Variants in SPEN observed in about 807,000 individuals in gnomAD.
SPEN encodes spen family transcriptional repressor, also known as msx2-interacting protein.
SPEN carries 18 observed loss-of-function variants against 269.9 expected under a neutral mutation model. The ratio of observed to expected loss-of-function variants is 0.07; its 90% CI spans 0.05 to 0.10. The LOEUF is 0.10. Among genes scored for constraint, SPEN ranks in the 10% least tolerant of loss-of-function variants. The pLI is 1.00. For missense variants in SPEN, 3,822 were observed against 4,631.2 expected (o/e 0.83, Z 5.07); for synonymous variants, 1,726 against 1,765.7 (o/e 0.98, Z 0.56).
Position 15,929,678 on chromosome 1 carries a change from C to A in SPEN, c.3438C>A (p.Gly1146=). The change falls in exon 11 of 15, where the codon GGC becomes GGA. Residue 1146 remains glycine (G), a synonymous_variant. Transcript: ENST00000375759. This position sits in a 1 kb window ranked among gnomAD's most constrained non-coding sequence, Gnocchi z 5.8. ...LRDETPERKS[G]QEKSHSVNTE... is the part of the protein sequence containing the mutation. ...ATGAAACACCTGAACGTAAATCAGGCCAAGAGAAATCACATTCAGTAAATA... is the reference window on the plus strand; with the variant it reads ...ATGAAACACCTGAACGTAAATCAGGACAAGAGAAATCACATTCAGTAAATA... 1 of 1,614,034 alleles carries A rather than the reference C, an allele frequency of 6.2e-7. No individual in the cohort carries two copies. Among genetic ancestry groups the A allele is most frequent in the Non-Finnish European group, 8.5e-7 (1 of 1,179,972 alleles).
chr1:15,901,928 GTTT>G (rs35730805), intron 3 of SPEN, among the ~76,000 whole-genome samples: 3,631 of 100,474 alleles, frequency 0.036, 80 homozygotes, highest in African/African-American at 0.14. Context: ...TATTTATTTA[GTTT>G]TTTTTTTTTT....
intron 3 of SPEN, among the ~76,000 whole-genome samples, chr1:15,908,582 C>A (rs920108366): frequency 6.6e-6 from 1 of 152,050 alleles, no homozygotes; most frequent in African/African-American, 2.4e-5. Flanking sequence ...GCCACCACAC[C>A]CAGCTAATTT....
Position 15,928,307 on chromosome 1 carries a change from A to G in SPEN, c.2067A>G (p.Glu689=). Residue 689 remains glutamate (E), a synonymous_variant, in exon 11 of 15, where the codon GAA becomes GAG. Coordinates refer to ENST00000375759, the MANE Select transcript of SPEN (RefSeq NM_015001.3). The surrounding 1 kb of genome is among the most constrained non-coding windows in gnomAD (Gnocchi z 5.7). The part of the protein sequence containing the change: ...EYRDYRNDPY[E]QDIREYSYRQ... ...GGGATTACAGGAATGATCCTTATGA[A>G]CAAGATATTAGGGAATATAGTTACA... 6.2e-7 allele frequency: 1 copy of G among 1,614,234 alleles called. No homozygotes were observed. Among genetic ancestry groups the G allele is most frequent in the Non-Finnish European group, 8.5e-7 (1 of 1,180,036 alleles).
chr1:15,855,210 G>A (rs931643237), intron 1 of SPEN, among the ~76,000 whole-genome samples: 2 of 152,162 alleles, frequency 1.3e-5, no homozygotes, highest in Non-Finnish European at 2.9e-5. Context: ...AGGGTTGCAT[G>A]TGCCTGTCTT....
At chr1:15,861,243 C>T (rs556672053) in intron 1 of SPEN, among the ~76,000 whole-genome samples, 20 of 151,504 alleles carry the variant, frequency 1.3e-4, no homozygotes, top group African/African-American at 3.6e-4. Context: ...GCGATTCTCC[C>T]GCCTCAGCCT....
At position 15,934,590 on chromosome 1, in the gene SPEN, C is replaced by A. The variant is rs146051974; in HGVS notation, c.8350C>A (p.Arg2784=). 8.7e-6 allele frequency: 14 copies of A among 1,613,980 alleles called. No individual in the cohort carries two copies. The African/African-American group carries it at 1.1e-4, about 12-fold the overall frequency. The part of the protein sequence containing the change: ...KQRASANENS[R]FHPGSMPVID... ...GAGAGCGAGTGCTAATGAAAACAGT[C>A]GGTTCCACCCAGGGTCCATGCCTGT... The change falls in exon 11 of 15, where the codon CGG becomes AGG. Residue 2784 remains arginine, a synonymous_variant. Transcript: ENST00000375759. This position sits in a 1 kb window ranked among gnomAD's most constrained non-coding sequence, Gnocchi z 9.2.
At chr1:15,858,924 A>G (rs1429456110) in intron 1 of SPEN, among the ~76,000 whole-genome samples, 1 of 152,190 alleles carries the variant, frequency 6.6e-6, no homozygotes, top group Non-Finnish European at 1.5e-5. Flanking sequence ...ACCCTGGGCA[A>G]TAGAGAAAAA....
At chr1:15,924,714 C>T (rs550709215) in intron 10 of SPEN, among the ~76,000 whole-genome samples, 67 of 152,320 alleles carry the variant, frequency 4.4e-4, no homozygotes, top group African/African-American at 1.6e-3. Context: ...CCTGCCTCGG[C>T]CTCCCAAAGT....
chr1:15,868,670 G>A (rs1343987216), intron 1 of SPEN, among the ~76,000 whole-genome samples: 1 of 151,918 alleles, frequency 6.6e-6, no homozygotes, highest in Non-Finnish European at 1.5e-5. Context: ...TCCTGACCTC[G>A]TGATCCGCCT....
intron 4 of SPEN, among the ~76,000 whole-genome samples, chr1:15,909,761 A>G (rs1168298396): frequency 2.6e-5 from 4 of 152,188 alleles, no homozygotes; most frequent in Non-Finnish European, 5.9e-5. Flanking sequence ...CTATTAGTAG[A>G]TAGTCATGCC....
chr1:15,899,120 G>A (rs955802973), intron 3 of SPEN, among the ~76,000 whole-genome samples: 18 of 152,190 alleles, frequency 1.2e-4, no homozygotes, highest in East Asian at 5.8e-4. Flanking sequence ...TTACTTTCCC[G>A]TCAGTAATGC....
At chr1:15,849,880 G>A (rs2070316068) in intron 1 of SPEN, among the ~76,000 whole-genome samples, 1 of 152,138 alleles carries the variant, frequency 6.6e-6, no homozygotes, top group Non-Finnish European at 1.5e-5. Context: ...GTCTCTGCCT[G>A]GGAAATTCGT....
intron 3 of SPEN, among the ~76,000 whole-genome samples, chr1:15,897,465 C>T (rs994715761): frequency 6.6e-6 from 1 of 151,936 alleles, no homozygotes; most frequent in Admixed American, 6.6e-5. Flanking sequence ...TGGGTTCAAG[C>T]GATTCTCCTG....
rs2070300100 is a variant in SPEN at position 15,848,541 on chromosome 1, A to G, written c.83+391A>G. On this transcript the variant is annotated intron_variant, in intron 1 of 14. Coordinates refer to ENST00000375759, the MANE Select transcript of SPEN (RefSeq NM_015001.3). The surrounding 1 kb of genome is among the most constrained non-coding windows in gnomAD (Gnocchi z 5.1). ...CCCGGCCCGGAGCAGCCGGGACCCG[A>G]GCCCGCCCGACAGCCGGGTCCGGCG... 6.6e-6 allele frequency among the ~76,000 whole-genome samples: 1 copy of G among 151,812 alleles called. No homozygotes were observed. Among genetic ancestry groups the G allele is most frequent in the Non-Finnish European group, 1.5e-5 (1 of 67,928 alleles).
chr1:15,938,067 T>A, intron 13 of SPEN, 61 bp downstream of exon 13: 1 of 1,433,190 alleles, frequency 7.0e-7, no homozygotes. Context: ...ACGTAGGTAG[T>A]CCCTGCCAGC....
At chr1:15,878,130 C>T (rs1216138907) in intron 3 of SPEN, among the ~76,000 whole-genome samples, 1 of 151,922 alleles carries the variant, frequency 6.6e-6, no homozygotes, top group Non-Finnish European at 1.5e-5. Flanking sequence ...TACTTTGATA[C>T]CTAGTATATG....
In SPEN at chr1:15,929,351, A is replaced by C. The variant is rs1570059763; in HGVS notation, c.3111A>C (p.Arg1037Ser). Residue 1037 changes from arginine to serine, a missense_variant, in exon 11 of 15, where the codon AGA becomes AGC. Physicochemically the swap from Arg to Ser is moderately radical, Grantham distance 110. Coordinates refer to ENST00000375759, the MANE Select transcript of SPEN (RefSeq NM_015001.3). This position sits in a 1 kb window ranked among gnomAD's most constrained non-coding sequence, Gnocchi z 5.8. ...VILLREGEAERKPVRKEILKR... is the reference protein window; with the variant it reads ...VILLREGEAESKPVRKEILKR... ...TGCTGAGGGAAGGAGAGGCTGAAAG[A>C]AAGCCTGTGAGGAAAGAAATTCTTA... 1.9e-6 allele frequency: 3 copies of C among 1,613,254 alleles called. No individual in the cohort carries two copies. The highest frequency in any genetic ancestry group is 4.5e-5 in the East Asian group (2 of 44,886).
intron 1 of SPEN, among the ~76,000 whole-genome samples, chr1:15,855,312 T>G (rs188219080): frequency 2.0e-5 from 3 of 152,322 alleles, no homozygotes; most frequent in Admixed American, 6.5e-5. Context: ...GATTGTTATA[T>G]TCCCATTATG....
In SPEN at chr1:15,937,394, C is replaced by G; in HGVS notation, c.10258C>G (p.Gln3420Glu). Reference protein sequence around the residue: ...NRPPEPHTQVQRAQAETGPTS... With the variant: ...NRPPEPHTQVERAQAETGPTS... ...GCCACCTGAGCCTCACACCCAGGTT[C>G]AGAGGGCACAAGCAGAAACAGGCCC... is the stretch of plus-strand genomic sequence containing the variant. Residue 3420 changes from glutamine (Q) to glutamate (E), a missense_variant, in exon 12 of 15, where the codon CAG (glutamine) becomes GAG (glutamate). By Grantham distance (29) the Gln-to-Glu change is conservative (BLOSUM62 2). Coordinates refer to ENST00000375759, the MANE Select transcript of SPEN (RefSeq NM_015001.3). This position sits in a 1 kb window ranked among gnomAD's most constrained non-coding sequence, Gnocchi z 5.7. 1 of 1,613,888 alleles carries G rather than the reference C, an allele frequency of 6.2e-7. No homozygotes were observed. The highest frequency in any genetic ancestry group is 8.5e-7 in the Non-Finnish European group (1 of 1,180,022).
Sources: allele counts gnomAD v4.1 joint callset (sites outside exome capture counted in the v4.1 genomes callset), GRCh38; gene constraint gnomAD v4.1.1; non-coding constraint Gnocchi (gnomAD v3.1); transcripts MANE v1.5; gene names NCBI Gene and HGNC (gene_info 2026-07-23, HGNC 2026-07-21).